Variants in CAMKK2 observed in about 807,000 individuals in gnomAD.
The protein encoded by CAMKK2 is calcium/calmodulin dependent protein kinase kinase 2, also known as calcium/calmodulin-dependent protein kinase kinase 2.
CAMKK2 carries 30 observed loss-of-function variants against 67.2 expected under a neutral mutation model. That is an observed-to-expected ratio of 0.45 (90% CI 0.33 to 0.61). The LOEUF (loss-of-function observed/expected upper bound fraction) is 0.61. CAMKK2 is among the 20% of genes least tolerant of loss of function. The pLI is 0.02. For synonymous variants in CAMKK2, 322 were observed against 326.2 expected (o/e 0.99, Z 0.14); for missense variants, 643 against 802.0 (o/e 0.80, Z 2.39).
In CAMKK2 at chr12:121,274,656, T is replaced by C. The variant is rs1151883; in HGVS notation, c.-59-71A>G. The C allele has an allele frequency of 8.0e-3, 5,113 of 642,678 alleles. 209 individuals carry two copies. The African/African-American group carries it at 0.084, about 11-fold the overall frequency. 39.8% of individuals were successfully genotyped at this position (642,678 alleles called of 1,614,324 possible). On this transcript the variant is annotated intron_variant, in intron 1 of 16. Coordinates refer to ENST00000404169, the MANE Select transcript of CAMKK2 (RefSeq NM_001270485.2). ...GACAGGAAAGGATCCCCTCTCCTCC[T>C]GGCCCAGGCTGCTGTCTAATTCCTG... is the stretch of plus-strand genomic sequence containing the variant.
At chr12:121,251,759 G>A (rs1447292113) in intron 11 of CAMKK2, among the ~76,000 whole-genome samples, 4 of 150,156 alleles carry the variant, frequency 2.7e-5, no homozygotes, top group South Asian at 2.1e-4. Flanking sequence ...CCCGGGAGGC[G>A]GAGGTTGCAG....
Position 121,274,165 on chromosome 12 carries a change from C to A in CAMKK2, c.362G>T (p.Cys121Phe). The change falls in exon 2 of 17, where the codon TGC (cysteine) becomes TTC (phenylalanine). Residue 121 changes from cysteine (C) to phenylalanine (F), a missense_variant. By Grantham distance (205) the Cys-to-Phe change is radical (BLOSUM62 -2). Transcript: ENST00000404169. ...TGAGTAGGGCAGGGACGGGCAGATG[C>A]AGCGTCCGTTCATGTCCAGGCTGCC... is the stretch of plus-strand genomic sequence containing the variant. ...AGGSLDMNGR[C>F]ICPSLPYSPV... 6.3e-7 allele frequency: 1 copy of A among 1,596,536 alleles called. No homozygotes were observed. Among genetic ancestry groups the A allele is most frequent in the South Asian group, 1.1e-5 (1 of 89,492 alleles).
intron 13 of CAMKK2, among the ~76,000 whole-genome samples, chr12:121,249,490 G>A (rs1459375610): frequency 6.6e-6 from 1 of 152,208 alleles, no homozygotes; most frequent in Non-Finnish European, 1.5e-5. Flanking sequence ...GGAATAGGGT[G>A]TGGAGCACGG....
chr12:121,245,067 G>C lies in CAMKK2; in HGVS notation c.1553+73C>G. 1.9e-6 allele frequency: 2 copies of C among 1,050,214 alleles called. No homozygotes were observed. The highest frequency in any genetic ancestry group is 2.7e-5 in the South Asian group (2 of 73,472). 65.1% of individuals were successfully genotyped at this position (1,050,214 alleles called of 1,614,324 possible). On this transcript the variant is annotated intron_variant, in intron 15 of 16. Coordinates refer to ENST00000404169, the MANE Select transcript of CAMKK2 (RefSeq NM_001270485.2). The surrounding 1 kb of genome is among the most constrained non-coding windows in gnomAD (Gnocchi z 5.8). The stretch of plus-strand genomic sequence containing the variant: ...CTTCAGGGAGGACCTGTGCAGAGTG[G>C]TCTGGGCAGGGCTGCCCCAAGCCTA...
At chr12:121,284,688 C>T (rs1405764720) in intron 1 of CAMKK2, among the ~76,000 whole-genome samples, 2 of 152,208 alleles carry the variant, frequency 1.3e-5, no homozygotes, top group East Asian at 1.9e-4. Flanking sequence ...CCACATATTG[C>T]GTCCTGAATA....
intron 11 of CAMKK2, 117 bp from the exon 12 acceptor site, chr12:121,250,151 C>A: frequency 1.2e-6 from 1 of 813,574 alleles, no homozygotes; most frequent in Admixed American, 2.0e-5. Context: ...AATTGCGGCC[C>A]AGGCTAGGGG....
intron 1 of CAMKK2, among the ~76,000 whole-genome samples, chr12:121,276,882 C>G (rs1370800964): frequency 9.1e-6 from 1 of 110,306 alleles, no homozygotes; most frequent in South Asian, 2.7e-4. Context: ...GAGACTCCAT[C>G]TCAAAAAAAA....
chr12:121,240,453 TG>T lies in CAMKK2; in HGVS notation c.*245del. ...AATTGTCCCAAAATGCACGTGGGTTTGGGTCTGCAACTCCTCACACCCGCCT... is the reference window on the plus strand; with the variant it reads ...AATTGTCCCAAAATGCACGTGGGTTTGGTCTGCAACTCCTCACACCCGCCT... On this transcript the variant is annotated 3_prime_UTR_variant, in exon 17 of 17. Transcript: ENST00000404169. The surrounding 1 kb of genome is among the most constrained non-coding windows in gnomAD (Gnocchi z 4.4). 1 of 1,534,236 alleles carries T rather than the reference TG, an allele frequency of 6.5e-7. No individual in the cohort carries two copies. Among genetic ancestry groups the T allele is most frequent in the Non-Finnish European group, 8.7e-7 (1 of 1,146,422 alleles).
At chr12:121,266,757 G>A (rs1302338001) in intron 5 of CAMKK2, among the ~76,000 whole-genome samples, 2 of 152,144 alleles carry the variant, frequency 1.3e-5, no homozygotes, top group Non-Finnish European at 2.9e-5. Flanking sequence ...CTCCCAAAGT[G>A]CTGGGATTAC....
intron 11 of CAMKK2, among the ~76,000 whole-genome samples, chr12:121,251,352 C>G (rs1890671782): frequency 6.6e-6 from 1 of 152,130 alleles, no homozygotes; most frequent in South Asian, 2.1e-4. Context: ...ACACTTCTTC[C>G]AGCTTTGCTA....
At chr12:121,297,504 C>A (rs201179767), upstream of CAMKK2, 1 of 457,618 alleles carries the variant, frequency 2.2e-6, no homozygotes, top group African/African-American at 2.0e-5. Context: ...TGAAATACAG[C>A]ATATTCTTCC....
intron 11 of CAMKK2, among the ~76,000 whole-genome samples, 153 bp from the exon 12 acceptor site, chr12:121,250,187 A>G (rs1254603679): frequency 6.6e-6 from 1 of 151,656 alleles, no homozygotes; most frequent in East Asian, 2.0e-4. Context: ...TCTCCCCGAG[A>G]ATGGCCAAGA....
At chr12:121,282,755 TTTTC>T (rs1317955002) in intron 1 of CAMKK2, among the ~76,000 whole-genome samples, 1 of 120,862 alleles carries the variant, frequency 8.3e-6, no homozygotes, top group Non-Finnish European at 1.8e-5. Context: ...CTTTTTTTTC[TTTTC>T]TTTTCTTTTC....
In CAMKK2 at chr12:121,255,657, T is replaced by C. The variant is rs750762212; in HGVS notation, c.819-19A>G. 3.7e-6 allele frequency: 6 copies of C among 1,611,788 alleles called. No homozygotes were observed. In the Admixed American group the frequency reaches 5.0e-5, roughly 13 times the overall value. ...CACGGGCCTGAAAGGTCGACACTCA[T>C]GTGAAACACAAAGCAGACCCGCCAG... On this transcript the variant is annotated intron_variant, in intron 8 of 16. Transcript: ENST00000404169.
Position 121,269,517 on chromosome 12 carries a change from C to T in CAMKK2, c.573+11G>A. On this transcript the variant is annotated intron_variant, in intron 4 of 16. Transcript: ENST00000404169. ...AAGGATGGGGGCAGGGAGGAGAATG[C>T]GGATACTCACATAGTAGGTATTGTC... 10 of 1,592,034 alleles carry T rather than the reference C, an allele frequency of 6.3e-6. No individual in the cohort carries two copies. Among genetic ancestry groups the T allele is most frequent in the Non-Finnish European group, 8.6e-6 (10 of 1,164,696 alleles).
rs1283016672 is a variant in CAMKK2, at chr12:121,253,922, C to G, written c.908-450G>C. ...TGAGCAGGCCGATTTGAAATGTGAA[C>G]CACACACAGAACTCGGGGCTTGGCT... On this transcript the variant is annotated intron_variant, in intron 9 of 16. Coordinates refer to ENST00000404169, the MANE Select transcript of CAMKK2 (RefSeq NM_001270485.2). The surrounding 1 kb of genome is among the most constrained non-coding windows in gnomAD (Gnocchi z 5.0). Among the ~76,000 whole-genome samples, 2 of 152,096 alleles carry G rather than the reference C, an allele frequency of 1.3e-5. No homozygotes were observed. The highest frequency in any genetic ancestry group is 1.3e-4 in the Admixed American group (2 of 15,260).
intron 7 of CAMKK2, among the ~76,000 whole-genome samples, chr12:121,257,321 A>G (rs930635446): frequency 6.7e-6 from 1 of 150,216 alleles, no homozygotes; most frequent in African/African-American, 2.5e-5. Flanking sequence ...ATCTTGGCTC[A>G]CTGCAACCTC....
intron 5 of CAMKK2, among the ~76,000 whole-genome samples, chr12:121,265,538 G>A (rs1894356677): frequency 6.6e-6 from 1 of 152,114 alleles, no homozygotes; most frequent in Non-Finnish European, 1.5e-5. Context: ...TAGGTCACGA[G>A]GATACAGCTC....
intron 2 of CAMKK2, among the ~76,000 whole-genome samples, chr12:121,271,292 G>T (rs1239767655): frequency 7.8e-6 from 1 of 128,152 alleles, no homozygotes; most frequent in African/African-American, 3.4e-5. Context: ...AAAAAAAAAA[G>T]TTTGCAACTA....
Sources: allele counts gnomAD v4.1 joint callset (sites outside exome capture counted in the v4.1 genomes callset), GRCh38; gene constraint gnomAD v4.1.1; non-coding constraint Gnocchi (gnomAD v3.1); transcripts MANE v1.5; gene names NCBI Gene and HGNC (gene_info 2026-07-23, HGNC 2026-07-21).